Variants in FAM107B observed in about 807,000 individuals in gnomAD.
FAM107B encodes the protein family with sequence similarity 107 member B.
A neutral mutation model predicts 31.5 loss-of-function variants in FAM107B; 21 were observed. That is an observed-to-expected ratio of 0.67 (90% CI 0.47 to 0.96). The LOEUF (loss-of-function observed/expected upper bound fraction) is 0.96, where lower values mean the gene tolerates loss of function less well. Ranked by LOEUF, FAM107B falls within the 40% of genes least tolerant of loss-of-function variation. The pLI is 0.00. For missense variants in FAM107B, 452 were observed against 377.1 expected (o/e 1.20, Z -1.64); for synonymous variants, 157 against 141.5 (o/e 1.11, Z -0.78).
chr10:14,594,204 C>T (rs1852107170), intron 2 of FAM107B, among the ~76,000 whole-genome samples: 1 of 152,096 alleles, frequency 6.6e-6, no homozygotes, highest in African/African-American at 2.4e-5. Context: ...AAATTCAGTA[C>T]AAATATTCCC....
intron 1 of FAM107B, among the ~76,000 whole-genome samples, chr10:14,719,721 G>T (rs1263409141): frequency 6.6e-6 from 1 of 151,952 alleles, no homozygotes; most frequent in Non-Finnish European, 1.5e-5. Context: ...CCCAACAGTG[G>T]CTGTGTCTCC....
Position 14,755,399 on chromosome 10 carries a change from G to C in FAM107B, c.411+18854C>G, listed in dbSNP as rs2131585709. 1.3e-5 allele frequency among the ~76,000 whole-genome samples: 2 copies of C among 151,914 alleles called. 1 individual carries two copies. Among genetic ancestry groups the C allele is most frequent in the East Asian group, 3.9e-4 (2 of 5,176 alleles). ...TCTACAAAAATACAAAAATTAGCTG[G>C]GCATGATGGTGGGTGCCTGTAATCC... On this transcript the variant is annotated intron_variant, in intron 1 of 4. Transcript: ENST00000181796.
At chr10:14,628,490 C>T (rs1382952088) in intron 2 of FAM107B, among the ~76,000 whole-genome samples, 1 of 152,060 alleles carries the variant, frequency 6.6e-6, no homozygotes, top group African/African-American at 2.4e-5. Context: ...AAGGTAACCC[C>T]AATGCACTAG....
At chr10:14,649,823 A>C (rs748778447) in intron 2 of FAM107B, among the ~76,000 whole-genome samples, 7 of 152,216 alleles carry the variant, frequency 4.6e-5, no homozygotes, top group Admixed American at 1.3e-4. Flanking sequence ...CTCGGAATAC[A>C]TCTCTTCAAA....
chr10:14,676,100 A>G (rs576668197), intron 1 of FAM107B, among the ~76,000 whole-genome samples: 30 of 152,216 alleles, frequency 2.0e-4, no homozygotes, highest in Non-Finnish European at 3.8e-4. Flanking sequence ...TCAAGGCTTC[A>G]GTGAGCCAAG....
intron 1 of FAM107B, among the ~76,000 whole-genome samples, chr10:14,706,052 A>G (rs913217667): frequency 6.6e-6 from 1 of 152,178 alleles, no homozygotes; most frequent in Non-Finnish European, 1.5e-5. Flanking sequence ...CTGATTTACA[A>G]CCCAGACCAC....
chr10:14,747,287 A>C (rs1832745339), intron 1 of FAM107B, among the ~76,000 whole-genome samples: 1 of 152,168 alleles, frequency 6.6e-6, no homozygotes, highest in African/African-American at 2.4e-5. Flanking sequence ...TCTGAAGCCA[A>C]CTTCTGTCAA....
intron 2 of FAM107B, among the ~76,000 whole-genome samples, chr10:14,565,332 C>T (rs559324190): frequency 6.6e-6 from 1 of 152,194 alleles, no homozygotes; most frequent in East Asian, 1.9e-4. Context: ...CCAGGGAGAG[C>T]ATTTGATGAA....
At chr10:14,739,581 T>C (rs1312830983) in intron 1 of FAM107B, among the ~76,000 whole-genome samples, 1 of 151,396 alleles carries the variant, frequency 6.6e-6, no homozygotes, top group African/African-American at 2.5e-5. Flanking sequence ...GCCTGACCAA[T>C]TATCATCAGT....
At position 14,531,711 on chromosome 10, in the gene FAM107B, G is replaced by A. The variant is rs181449794; in HGVS notation, c.470-1196C>T. On this transcript the variant is annotated intron_variant, in intron 2 of 4. Transcript: ENST00000181796. The stretch of plus-strand genomic sequence containing the variant: ...ACAAAAAATAGCCAGGCGTGGTGGC[G>A]TAGTCCCAGCTACTTAGGAGGCTGA... Among the ~76,000 whole-genome samples, 59 of 152,062 alleles carry A rather than the reference G, an allele frequency of 3.9e-4. 1 individual carries two copies. Among genetic ancestry groups the A allele is most frequent in the Admixed American group, 7.9e-4 (12 of 15,284 alleles).
At position 14,678,892 on chromosome 10, in the gene FAM107B, T is replaced by G. The variant is rs527349827; in HGVS notation, c.412-11201A>C. 1.7e-4 allele frequency among the ~76,000 whole-genome samples: 26 copies of G among 152,346 alleles called. No individual in the cohort carries two copies. The Middle Eastern group carries it at 0.01, about 60-fold the overall frequency. ...GGTGGCAGACACATCCAGTCAATTC[T>G]AAAACATGCTGAGTGATTCTTGTTT... On this transcript the variant is annotated intron_variant, in intron 1 of 4. Transcript: ENST00000181796.
intron 1 of FAM107B, among the ~76,000 whole-genome samples, chr10:14,686,244 C>G (rs1455040015): frequency 1.3e-5 from 2 of 152,092 alleles, no homozygotes; most frequent in Non-Finnish European, 2.9e-5. Flanking sequence ...CAAAAATTAG[C>G]CGGGCATGTT....
intron 2 of FAM107B, among the ~76,000 whole-genome samples, chr10:14,606,342 C>T (rs1852589398): frequency 6.6e-6 from 1 of 152,134 alleles, no homozygotes; most frequent in South Asian, 2.1e-4. Context: ...CTAAATGGAT[C>T]TTTTCTGCCC....
chr10:14,662,629 A>G (rs543192184), intron 2 of FAM107B, among the ~76,000 whole-genome samples: 82 of 152,176 alleles, frequency 5.4e-4, no homozygotes, highest in African/African-American at 2.0e-3. Context: ...TGATGTTTAA[A>G]ATCCCTTTCA....
chr10:14,565,150 G>A (rs536889640), intron 2 of FAM107B, among the ~76,000 whole-genome samples: 1 of 152,310 alleles, frequency 6.6e-6, no homozygotes, highest in East Asian at 1.9e-4. Flanking sequence ...CTTGTGCCAG[G>A]CATATGTCTT....
At chr10:14,650,478 GTTTCACCATGT>G (rs1188819290) in intron 2 of FAM107B, among the ~76,000 whole-genome samples, 1 of 152,022 alleles carries the variant, frequency 6.6e-6, no homozygotes, top group Non-Finnish European at 1.5e-5. Flanking sequence ...TAGAGATGGG[GTTTCACCATGT>G]TGGCCAGGCT....
At chr10:14,534,073 A>G (rs943346548) in intron 2 of FAM107B, among the ~76,000 whole-genome samples, 7 of 152,194 alleles carry the variant, frequency 4.6e-5, no homozygotes, top group African/African-American at 9.6e-5. Flanking sequence ...AGGGGCAAAC[A>G]TCTTCCTTCT....
intron 2 of FAM107B, among the ~76,000 whole-genome samples, chr10:14,578,503 GAAA>G (rs780331570): frequency 2.0e-5 from 3 of 151,830 alleles, no homozygotes; most frequent in Non-Finnish European, 2.9e-5. Flanking sequence ...CTTCACTGGG[GAAA>G]AAAAAGAGAT....
chr10:14,529,108 T>C (rs1487566112), intron 3 of FAM107B, among the ~76,000 whole-genome samples: 1 of 152,218 alleles, frequency 6.6e-6, no homozygotes, highest in Non-Finnish European at 1.5e-5. Context: ...TCCACCAAAA[T>C]GAAGACATGA....
Sources: allele counts gnomAD v4.1 joint callset (sites outside exome capture counted in the v4.1 genomes callset), GRCh38; gene constraint gnomAD v4.1.1; transcripts MANE v1.5; gene names NCBI Gene and HGNC (gene_info 2026-07-23, HGNC 2026-07-21).